PDZRN3: variants seen among roughly 807,000 people sequenced by gnomAD.
PDZRN3 encodes PDZ domain containing ring finger 3.
Under a neutral mutation model 85.7 loss-of-function variants are expected in PDZRN3, and 38 were observed. The observed-to-expected ratio is 0.44, with a 90% CI of 0.34 to 0.58. PDZRN3 has a LOEUF of 0.58. PDZRN3 is among the 20% of genes least tolerant of loss of function. The pLI, the probability that PDZRN3 is intolerant of heterozygous loss-of-function variation, is 0.01. For missense variants in PDZRN3, 1,629 were observed against 1,506.4 expected, an observed-to-expected ratio of 1.08 and a Z score of -1.35; for synonymous variants, 759 against 638.0, an observed-to-expected ratio of 1.19 and a Z score of -2.86.
At chr3:73,575,852 C>A (rs564480022) in intron 3 of PDZRN3, among the ~76,000 whole-genome samples, 2 of 152,182 alleles carry the variant, frequency 1.3e-5, no homozygotes, top group Admixed American at 1.3e-4. Flanking sequence ...GGTGATCTAA[C>A]CAATTTTTGC....
intron 3 of PDZRN3, among the ~76,000 whole-genome samples, chr3:73,531,936 A>T (rs1002918819): frequency 6.6e-6 from 1 of 152,252 alleles, no homozygotes; most frequent in Admixed American, 6.5e-5. Flanking sequence ...AGAGTGTTGT[A>T]TAAAATAATG....
chr3:73,619,606 T>C (rs1702819018), intron 1 of PDZRN3, among the ~76,000 whole-genome samples: 1 of 152,058 alleles, frequency 6.6e-6, no homozygotes. Context: ...TTGTTCCAGG[T>C]AGACAGAAGA....
intron 3 of PDZRN3, among the ~76,000 whole-genome samples, chr3:73,502,642 C>T (rs1369780249): frequency 1.3e-5 from 2 of 152,196 alleles, no homozygotes; most frequent in African/African-American, 4.8e-5. Context: ...ACTGGCAGCT[C>T]ATGAAACCAG....
chr3:73,540,225 T>C (rs1336310472), intron 3 of PDZRN3, among the ~76,000 whole-genome samples: 1 of 152,152 alleles, frequency 6.6e-6, no homozygotes, highest in Non-Finnish European at 1.5e-5. Context: ...ATTTTATATG[T>C]GATTTATCTG....
Position 73,383,983 on chromosome 3 carries a change from G to A in PDZRN3, c.2583C>T (p.Pro861=), listed in dbSNP as rs143389102. 5.9e-4 allele frequency: 941 copies of A among 1,592,730 alleles called. No homozygotes were observed. The highest frequency in any genetic ancestry group is 7.5e-4 in the Non-Finnish European group (880 of 1,171,148). Residue 861 remains proline (P), a synonymous_variant, in exon 10 of 10, where the codon CCC becomes CCT. Coordinates refer to ENST00000263666, the MANE Select transcript of PDZRN3 (RefSeq NM_015009.3). ...GCTTGTATGGGGAGTGGTGATAGGAGGGCAGGTAGGCGCTGCCCAGCTTCT... is the reference window on the plus strand; with the variant it reads ...GCTTGTATGGGGAGTGGTGATAGGAAGGCAGGTAGGCGCTGCCCAGCTTCT... ...PSQKLGSAYL[P]SYHHSPYKHA...
intron 3 of PDZRN3, among the ~76,000 whole-genome samples, chr3:73,550,994 T>A (rs952069922): frequency 6.6e-5 from 10 of 152,236 alleles, no homozygotes; most frequent in African/African-American, 2.4e-4. Flanking sequence ...CAGTGCAGAA[T>A]AACGCTGGAT....
At chr3:73,486,540 A>T (rs1703665389) in intron 3 of PDZRN3, among the ~76,000 whole-genome samples, 1 of 152,240 alleles carries the variant, frequency 6.6e-6, no homozygotes, top group African/African-American at 2.4e-5. Flanking sequence ...AAAGGTTAAG[A>T]AATAGAAGTG....
chr3:73,422,878 C>A (rs560236543), intron 3 of PDZRN3, among the ~76,000 whole-genome samples: 27 of 152,158 alleles, frequency 1.8e-4, no homozygotes, highest in Non-Finnish European at 2.4e-4. Context: ...TGCTATAAAT[C>A]TTGGATTTAG....
intron 7 of PDZRN3, among the ~76,000 whole-genome samples, chr3:73,389,325 GGTTAGAT>G (rs1375683318): frequency 6.6e-6 from 1 of 152,102 alleles, no homozygotes; most frequent in African/African-American, 2.4e-5. Flanking sequence ...ATTCCAGGAT[GGTTAGAT>G]GTTGAGTCAG....
At chr3:73,605,310 G>A (rs898992968) in intron 2 of PDZRN3, among the ~76,000 whole-genome samples, 1 of 152,126 alleles carries the variant, frequency 6.6e-6, no homozygotes, top group Non-Finnish European at 1.5e-5. Flanking sequence ...ATTTATCAAG[G>A]TGAACTAATA....
chr3:73,468,946 T>C (rs1490714062), intron 3 of PDZRN3, among the ~76,000 whole-genome samples: 2 of 152,172 alleles, frequency 1.3e-5, no homozygotes, highest in Non-Finnish European at 2.9e-5. Context: ...CAACTTTTGG[T>C]TTACGCCTGA....
chr3:73,408,839 C>T (rs1559662617), intron 3 of PDZRN3, among the ~76,000 whole-genome samples: 1 of 151,970 alleles, frequency 6.6e-6, no homozygotes, highest in African/African-American at 2.4e-5. Flanking sequence ...CGGTGCACGC[C>T]GTCAGCCAAC....
chr3:73,468,270 G>A (rs1296088751), intron 3 of PDZRN3, among the ~76,000 whole-genome samples: 1 of 152,080 alleles, frequency 6.6e-6, no homozygotes, highest in African/African-American at 2.4e-5. Flanking sequence ...CTAGAAGCTG[G>A]AAAAGTCAAG....
chr3:73,614,941 C>A (rs918550330), intron 1 of PDZRN3, among the ~76,000 whole-genome samples: 1 of 152,030 alleles, frequency 6.6e-6, no homozygotes, highest in Admixed American at 6.5e-5. Flanking sequence ...TGTTCCAAAG[C>A]CTAAGACTGA....
chr3:73,405,409 A>G (rs1379499705), intron 3 of PDZRN3, among the ~76,000 whole-genome samples: 1 of 152,248 alleles, frequency 6.6e-6, no homozygotes, highest in Non-Finnish European at 1.5e-5. Flanking sequence ...AACTATGTTC[A>G]GGTGGTTATA....
intron 3 of PDZRN3, among the ~76,000 whole-genome samples, chr3:73,461,304 T>C (rs1397708317): frequency 2.0e-5 from 3 of 152,220 alleles, no homozygotes; most frequent in Non-Finnish European, 4.4e-5. Flanking sequence ...ATTTTTAGCA[T>C]TTTGCAGCAT....
chr3:73,428,471 G>C (rs566429230), intron 3 of PDZRN3, among the ~76,000 whole-genome samples: 1 of 152,316 alleles, frequency 6.6e-6, no homozygotes, highest in East Asian at 1.9e-4. Flanking sequence ...GAGAGTAACA[G>C]TGGTGATGAG....
rs940572653 is a variant in PDZRN3, at chr3:73,559,254, G to A, written c.918+43100C>T. On this transcript the variant is annotated intron_variant, in intron 3 of 9. Transcript: ENST00000263666. ...GAGAAAGAGTTACTGAAAACTGTGG[G>A]TTTTGTTTTGTTTTAAACACAGTTT... Among the ~76,000 whole-genome samples, 63 of 152,152 alleles carry A rather than the reference G, an allele frequency of 4.1e-4. 1 individual carries two copies. Among genetic ancestry groups the A allele is most frequent in the Non-Finnish European group, 1.2e-4 (8 of 68,014 alleles).
At chr3:73,530,020 CATT>C (rs1366170856) in intron 3 of PDZRN3, among the ~76,000 whole-genome samples, 1 of 152,146 alleles carries the variant, frequency 6.6e-6, no homozygotes, top group Non-Finnish European at 1.5e-5. Flanking sequence ...TCATCATCAT[CATT>C]ATTAGCATGA....
Sources: gnomAD v4.1 joint callset for allele counts (sites outside exome capture counted in the v4.1 genomes callset) on GRCh38, gnomAD v4.1.1 for gene constraint, MANE v1.5 for transcripts, NCBI Gene and HGNC (gene_info 2026-07-23, HGNC 2026-07-21) for gene names.